HEATR5B: variants seen among roughly 807,000 people sequenced by gnomAD.
The protein encoded by HEATR5B is HEAT repeat containing 5B.
A neutral mutation model predicts 224.1 loss-of-function variants in HEATR5B; 156 were observed. The observed-to-expected ratio is 0.70, with a 90% CI of 0.61 to 0.80. The LOEUF is 0.80. HEATR5B is among the 30% of genes least tolerant of loss of function. The pLI is 0.00. For missense variants in HEATR5B, 2,323 were observed against 2,535.5 expected (o/e 0.92, Z 1.80); for synonymous variants, 1,027 against 893.0 (o/e 1.15, Z -2.68).
At chr2:37,054,192 G>GTTTTT (rs70946964) in intron 16 of HEATR5B, among the ~76,000 whole-genome samples, 1 of 30,218 alleles carries the variant, frequency 3.3e-5, no homozygotes. Flanking sequence ...TGATTTCTCT[G>GTTTTT]TTTTTTTTTT....
intron 13 of HEATR5B, 121 bp downstream of exon 13, chr2:37,058,767 T>A: frequency 5.6e-6 from 4 of 713,190 alleles, no homozygotes; most frequent in Non-Finnish European, 9.3e-6. Flanking sequence ...TTTAAAGTTA[T>A]ATTACAAAAA....
intron 27 of HEATR5B, 102 bp downstream of exon 27, chr2:37,013,739 G>T: frequency 1.0e-6 from 1 of 980,272 alleles, no homozygotes; most frequent in Non-Finnish European, 1.5e-6. Flanking sequence ...TCAAGGGTTA[G>T]TTTTTAAAAA....
chr2:36,997,021 T>A (rs1666764504), intron 33 of HEATR5B, among the ~76,000 whole-genome samples: 1 of 152,344 alleles, frequency 6.6e-6, no homozygotes, highest in Admixed American at 6.5e-5. Flanking sequence ...GCGTTTGGCC[T>A]CTTTCTTCTT....
At position 37,002,556 on chromosome 2, in the gene HEATR5B, T is replaced by C. The variant is rs762502451; in HGVS notation, c.5067A>G (p.Glu1689=). The C allele has an allele frequency of 6.2e-7, 1 of 1,613,888 alleles. No homozygotes were observed. The change falls in exon 32 of 36, where the codon GAA becomes GAG. Residue 1689 remains glutamate, a synonymous_variant. Coordinates refer to ENST00000233099, the MANE Select transcript of HEATR5B (RefSeq NM_019024.3). ...KRNTLNEDDM[E]KEACTVLGEG... is the part of the protein sequence containing the mutation. ...CTCCCAATACGGTACAGGCCTCTTTTTCCATATCATCTTCATCTGAGGTAA... is the reference window on the plus strand; with the variant it reads ...CTCCCAATACGGTACAGGCCTCTTTCTCCATATCATCTTCATCTGAGGTAA...
intron 25 of HEATR5B, 64 bp from the exon 26 acceptor site, chr2:37,019,941 T>C (rs936719934): frequency 2.5e-6 from 3 of 1,194,422 alleles, no homozygotes; most frequent in Non-Finnish European, 3.6e-6. Context: ...TCTTACTCTA[T>C]CACCCAGGCT....
intron 11 of HEATR5B, 126 bp from the exon 12 acceptor site, chr2:37,060,859 T>C (rs1671241993): frequency 5.0e-6 from 3 of 605,888 alleles, no homozygotes; most frequent in Non-Finnish European, 8.2e-6. Flanking sequence ...AAAATACTGA[T>C]GTTTAACAAT....
chr2:37,019,127 T>C (rs1366304084), intron 26 of HEATR5B, among the ~76,000 whole-genome samples: 2 of 151,760 alleles, frequency 1.3e-5, no homozygotes, highest in Non-Finnish European at 2.9e-5. Flanking sequence ...GCCACTGTGC[T>C]CCAGCCTGGG....
intron 35 of HEATR5B, among the ~76,000 whole-genome samples, 177 bp downstream of exon 35, chr2:36,988,469 C>G (rs111369992): frequency 2.3e-3 from 344 of 152,164 alleles, no homozygotes; most frequent in African/African-American, 7.5e-3. Flanking sequence ...ACTATGTTGG[C>G]CAGGATGGTC....
intron 18 of HEATR5B, among the ~76,000 whole-genome samples, chr2:37,045,271 T>A (rs550565030): frequency 8.5e-5 from 13 of 152,228 alleles, no homozygotes; most frequent in Non-Finnish European, 1.2e-4. Context: ...ATGTGCCTAG[T>A]AATTTTTGAT....
rs1249146640 is a variant in HEATR5B at position 37,058,903 on chromosome 2, A to T, written c.1934T>A (p.Met645Lys). The T allele has an allele frequency of 6.2e-7, 1 of 1,603,702 alleles. No homozygotes were observed. Among genetic ancestry groups the T allele is most frequent in the East Asian group, 2.2e-5 (1 of 44,720 alleles). ...GCTTACTTACTGTGACATCATAGTC[A>T]TGGCACATTCAATAGGGGTCATCAA... Reference protein sequence around the residue: ...RKLMTPIECAMTMMSHIPSVM... With the variant: ...RKLMTPIECAKTMMSHIPSVM... Residue 645 changes from methionine (M) to lysine (K), a missense_variant, in exon 13 of 36, where the codon ATG (methionine) becomes AAG (lysine). Physicochemically the swap from Met to Lys is moderately conservative, Grantham distance 95. Coordinates refer to ENST00000233099, the MANE Select transcript of HEATR5B (RefSeq NM_019024.3).
intron 33 of HEATR5B, among the ~76,000 whole-genome samples, chr2:36,995,087 G>GTTCTTTTTTTTTTTTTTTT (rs1666601324): frequency 9.6e-6 from 1 of 104,132 alleles, no homozygotes; most frequent in African/African-American, 4.1e-5. Flanking sequence ...GTTATTCCTT[G>GTTCTTTTTTTTTTTTTTTT]TTTTTTTTTT....
At chr2:36,990,185 G>A (rs1340290267) in intron 34 of HEATR5B, among the ~76,000 whole-genome samples, 1 of 151,984 alleles carries the variant, frequency 6.6e-6, no homozygotes, top group East Asian at 1.9e-4. Context: ...GTGAGCCACC[G>A]CACCTGGTCT....
intron 5 of HEATR5B, among the ~76,000 whole-genome samples, chr2:37,075,033 G>T (rs1672140053): frequency 6.6e-6 from 1 of 152,210 alleles, no homozygotes; most frequent in African/African-American, 2.4e-5. Flanking sequence ...AACTAAATCT[G>T]CCCTATGAAC....
intron 2 of HEATR5B, among the ~76,000 whole-genome samples, chr2:37,082,052 C>CTTTTTTTTTT: frequency 8.3e-5 from 2 of 23,960 alleles, no homozygotes; most frequent in South Asian, 3.2e-3. Flanking sequence ...GAAGTATCTA[C>CTTTTTTTTTT]TTTTTTTTTT....
intron 26 of HEATR5B, among the ~76,000 whole-genome samples, chr2:37,014,978 G>C (rs1174928437): frequency 2.0e-5 from 3 of 148,168 alleles, no homozygotes; most frequent in African/African-American, 7.5e-5. Flanking sequence ...TGTCTCAAAA[G>C]AAAGAAAGAA....
intron 24 of HEATR5B, among the ~76,000 whole-genome samples, chr2:37,024,306 G>C (rs1173084990): frequency 6.6e-6 from 1 of 151,440 alleles, no homozygotes; most frequent in Non-Finnish European, 1.5e-5. Flanking sequence ...AGGAATAAGT[G>C]TAAGAGATCT....
At chr2:37,056,126 A>ATT (rs376790979) in intron 16 of HEATR5B, among the ~76,000 whole-genome samples, 1 of 146,684 alleles carries the variant, frequency 6.8e-6, no homozygotes, top group African/African-American at 2.5e-5. Flanking sequence ...ATTATAATGC[A>ATT]TTTTTTTTTT....
chr2:37,039,385 G>C (rs1669734865), intron 20 of HEATR5B, among the ~76,000 whole-genome samples: 1 of 151,860 alleles, frequency 6.6e-6, no homozygotes, highest in Admixed American at 6.6e-5. Flanking sequence ...AGAATCGCTT[G>C]AACTCAGGAA....
rs775104970 is a variant in HEATR5B, at chr2:37,070,381, C to T, written c.776G>A (p.Arg259His). The part of the protein sequence containing the change: ...ALMPKQATVM[R>H]QNVKRATFDE... ...AAATGTTGCTCGCTTCACATTCTGA[C>T]GCATTACTTTCAAGAAGAAAAATTA... The change falls in exon 7 of 36, where the codon CGT becomes CAT. Residue 259 changes from arginine (R) to histidine (H), a missense_variant. Arg to His is a conservative substitution (Grantham distance 29). This residue lies in a region of HEATR5B where 292 missense variants were observed against 332.6 expected (regional missense o/e 0.88). Coordinates refer to ENST00000233099, the MANE Select transcript of HEATR5B (RefSeq NM_019024.3). The T allele has an allele frequency of 5.6e-6, 9 of 1,611,974 alleles. No individual in the cohort carries two copies. The highest frequency in any genetic ancestry group is 2.2e-5 in the South Asian group (2 of 90,850).
Sources: allele counts gnomAD v4.1 joint callset (sites outside exome capture counted in the v4.1 genomes callset), GRCh38; gene constraint gnomAD v4.1.1; regional missense constraint gnomAD v4.1.1; transcripts MANE v1.5; gene names NCBI Gene and HGNC (gene_info 2026-07-23, HGNC 2026-07-21).